NCOA7: variants seen among roughly 807,000 people sequenced by gnomAD.
NCOA7 encodes the protein 140 kDa estrogen receptor-associated protein.
Under a neutral mutation model 104.3 loss-of-function variants are expected in NCOA7, and 45 were observed. The ratio of observed to expected loss-of-function variants is 0.43; its 90% CI spans 0.34 to 0.55. NCOA7 has a LOEUF of 0.55. NCOA7 is among the 20% of genes least tolerant of loss of function. NCOA7 has a pLI of 0.02. For synonymous variants in NCOA7, 398 were observed against 402.3 expected (o/e 0.99, Z 0.13); for missense variants, 1,041 against 1,119.7 (o/e 0.93, Z 1.00).
intron 10 of NCOA7, among the ~76,000 whole-genome samples, chr6:125,906,841 T>A (rs1344874392): frequency 2.0e-5 from 3 of 152,088 alleles, no homozygotes; most frequent in African/African-American, 7.2e-5. Context: ...ACCCAGTGAA[T>A]GAAAAGAACA....
chr6:125,927,267 T>G (rs940292927), intron 13 of NCOA7, among the ~76,000 whole-genome samples: 1 of 152,238 alleles, frequency 6.6e-6, no homozygotes, highest in Non-Finnish European at 1.5e-5. Context: ...GTGACTGTGT[T>G]GTCCCAAGCA....
chr6:125,890,768 G>A lies in NCOA7; in HGVS notation c.2054G>A (p.Arg685Gln), dbSNP rs761893812. 1.8e-5 allele frequency: 29 copies of A among 1,612,774 alleles called. No homozygotes were observed. The highest frequency in any genetic ancestry group is 8.8e-5 in the South Asian group (8 of 90,834). ...GCCATGGTCCAGCAGTACGGCAAAC[G>A]GAGAAAGCAGCCAGAGTACTGGTTT... ...TAAMVQQYGKRRKQPEYWFAV... is the reference protein window; with the variant it reads ...TAAMVQQYGKQRKQPEYWFAV... The change falls in exon 10 of 16, where the codon CGG (arginine) becomes CAG (glutamine). Residue 685 changes from arginine to glutamine, a missense_variant. This residue lies in a region of NCOA7 where 914 missense variants were observed against 942.7 expected (regional missense o/e 0.97). Transcript: ENST00000392477.
chr6:125,871,821 C>T (rs1782938424), intron 3 of NCOA7, among the ~76,000 whole-genome samples: 2 of 152,176 alleles, frequency 1.3e-5, no homozygotes, highest in South Asian at 4.2e-4. Flanking sequence ...CATGGTGAAA[C>T]CCTGTCTCTA....
chr6:125,823,524 C>T (rs1240651026), intron 2 of NCOA7, among the ~76,000 whole-genome samples: 2 of 152,212 alleles, frequency 1.3e-5, no homozygotes, highest in East Asian at 1.9e-4. Context: ...TGTATTTTCT[C>T]ATTTGAGTTC....
chr6:125,822,237 A>G (rs1002611410), intron 2 of NCOA7, among the ~76,000 whole-genome samples: 3 of 152,248 alleles, frequency 2.0e-5, no homozygotes, highest in African/African-American at 7.2e-5. Flanking sequence ...GCACAGTTTT[A>G]ATTGTGTTGA....
At chr6:125,886,833 T>G (rs1291914380) in intron 8 of NCOA7, among the ~76,000 whole-genome samples, 1 of 152,148 alleles carries the variant, frequency 6.6e-6, no homozygotes, top group Non-Finnish European at 1.5e-5. Context: ...TTTTTAAAAG[T>G]GGGTATGTGT....
intron 3 of NCOA7, among the ~76,000 whole-genome samples, chr6:125,857,484 T>C (rs934516253): frequency 1.7e-4 from 26 of 152,038 alleles, no homozygotes; most frequent in African/African-American, 6.0e-4. Context: ...CACTATAAAA[T>C]TGGTCTCAAG....
intron 2 of NCOA7, among the ~76,000 whole-genome samples, chr6:125,824,141 A>G (rs1045739189): frequency 2.6e-5 from 4 of 152,208 alleles, no homozygotes; most frequent in Admixed American, 2.6e-4. Flanking sequence ...AGCTGTCCAT[A>G]AAGTGCCTGT....
At chr6:125,855,546 T>C (rs187684354) in intron 3 of NCOA7, 23 of 185,182 alleles carry the variant, frequency 1.2e-4, no homozygotes, top group Non-Finnish European at 2.1e-4. Flanking sequence ...TATGTAGACA[T>C]ATTCATAAAT....
intron 12 of NCOA7, among the ~76,000 whole-genome samples, chr6:125,921,589 A>G (rs1787591898): frequency 6.6e-6 from 1 of 152,134 alleles, no homozygotes; most frequent in Non-Finnish European, 1.5e-5. Flanking sequence ...GTCAGACACT[A>G]ACATCCTTCT....
At chr6:125,876,937 A>G (rs1783431008) in intron 4 of NCOA7, among the ~76,000 whole-genome samples, 1 of 152,144 alleles carries the variant, frequency 6.6e-6, no homozygotes. Context: ...GCAGATTGTT[A>G]AAGTTTTTCT....
chr6:125,830,737 A>G (rs589762), intron 2 of NCOA7, among the ~76,000 whole-genome samples: 39,673 of 91,828 alleles, frequency 0.43, 6,636 homozygotes, highest in East Asian at 0.55. Flanking sequence ...ATATATATAT[A>G]TGTGTGTGTG....
chr6:125,810,850 A>C (rs1159645238), intron 1 of NCOA7, among the ~76,000 whole-genome samples: 1 of 152,330 alleles, frequency 6.6e-6, no homozygotes, highest in East Asian at 1.9e-4. Context: ...TCATTTACCT[A>C]ATAGGATATT....
At chr6:125,920,870 G>A in intron 11 of NCOA7, 73 bp from the exon 12 acceptor site, 1 of 1,568,964 alleles carries the variant, frequency 6.4e-7, no homozygotes, top group Non-Finnish European at 8.7e-7. Flanking sequence ...GGTGTCCCTA[G>A]AGTGATTTTT....
At chr6:125,789,179 A>G (rs1774620709), upstream of NCOA7, among the ~76,000 whole-genome samples, 1 of 152,220 alleles carries the variant, frequency 6.6e-6, no homozygotes, top group African/African-American at 2.4e-5. Context: ...TTGGGAAAAT[A>G]TCATAAATAA....
intron 2 of NCOA7, among the ~76,000 whole-genome samples, chr6:125,834,495 T>C (rs1779448808): frequency 6.6e-6 from 1 of 152,098 alleles, no homozygotes; most frequent in Non-Finnish European, 1.5e-5. Context: ...GCTACTGAGG[T>C]CTTAAGAGGT....
intron 10 of NCOA7, among the ~76,000 whole-genome samples, chr6:125,904,099 G>T (rs1583506470): frequency 6.6e-6 from 1 of 152,166 alleles, no homozygotes; most frequent in East Asian, 1.9e-4. Flanking sequence ...GCCACAGGCT[G>T]AGTTCCAAGT....
intron 1 of NCOA7, among the ~76,000 whole-genome samples, chr6:125,791,881 G>C (rs764695624): frequency 6.6e-6 from 1 of 152,150 alleles, no homozygotes; most frequent in Non-Finnish European, 1.5e-5. Context: ...TAGGTGTAAA[G>C]TTTATACATC....
In NCOA7 at chr6:125,890,000, A is replaced by T; in HGVS notation, c.1927+19A>T. On this transcript the variant is annotated intron_variant, in intron 9 of 15. Coordinates refer to ENST00000392477, the MANE Select transcript of NCOA7 (RefSeq NM_181782.5). ...ATTGAAGGTAAGCTGTTTTTCTTTA[A>T]TGCCTTTATATTCTGTTGCATAATT... 6.7e-7 allele frequency: 1 copy of T among 1,482,126 alleles called. No individual in the cohort carries two copies. 91.8% of individuals were successfully genotyped at this position (1,482,126 alleles called of 1,614,324 possible).
Sources: gnomAD v4.1 joint callset for allele counts (sites outside exome capture counted in the v4.1 genomes callset) on GRCh38, gnomAD v4.1.1 for gene constraint, gnomAD v4.1.1 regional missense constraint, MANE v1.5 for transcripts, NCBI Gene and HGNC (gene_info 2026-07-23, HGNC 2026-07-21) for gene names.